Variants in SIRPG observed in about 807,000 individuals in gnomAD.
SIRPG encodes the protein signal regulatory protein gamma.
Under a neutral mutation model 35.7 loss-of-function variants are expected in SIRPG, and 38 were observed. The observed-to-expected ratio is 1.06, with a 90% CI of 0.82 to 1.40. The LOEUF (loss-of-function observed/expected upper bound fraction) is 1.40, where lower values mean the gene tolerates loss of function less well. SIRPG is among the 40% of genes most tolerant of loss of function. The pLI is 0.00. For missense variants in SIRPG, 519 were observed against 483.0 expected (o/e 1.07, Z -0.70); for synonymous variants, 215 against 190.4 (o/e 1.13, Z -1.06).
At chr20:1,668,158 TTC>T in the SIRPG span, among the ~76,000 whole-genome samples, 214 of 100,370 alleles carry the variant, frequency 2.1e-3, no homozygotes, top group African/African-American at 6.8e-3. Flanking sequence ...TTTTTTTCTT[TTC>T]TTTTCTTTTC....
chr20:1,662,492 G>A (rs1396268855), upstream of SIRPG, among the ~76,000 whole-genome samples: 3 of 152,168 alleles, frequency 2.0e-5, no homozygotes, highest in Non-Finnish European at 4.4e-5. Context: ...TAGTAAATAT[G>A]CAAGACAAAG....
At chr20:1,683,475 C>G in the SIRPG span, among the ~76,000 whole-genome samples, 1 of 152,148 alleles carries the variant, frequency 6.6e-6, no homozygotes, top group South Asian at 2.1e-4. Flanking sequence ...TTTACAGTAG[C>G]AAAAATGGAA....
the SIRPG span, among the ~76,000 whole-genome samples, chr20:1,679,072 T>C: frequency 6.6e-6 from 1 of 152,172 alleles, no homozygotes; most frequent in East Asian, 1.9e-4. Context: ...GCACGATGTC[T>C]CCAGGCCCAA....
At chr20:1,685,575 T>C in the SIRPG span, among the ~76,000 whole-genome samples, 2 of 152,120 alleles carry the variant, frequency 1.3e-5, no homozygotes, top group Non-Finnish European at 2.9e-5. Context: ...AGGAAGTAAA[T>C]GTCTGTAATT....
intron 4 of SIRPG, chr20:1,633,721 G>C (rs921743144): frequency 6.6e-6 from 1 of 152,160 alleles, no homozygotes; most frequent in Admixed American, 6.5e-5. Context: ...CCACCATAAG[G>C]TATGTGGGAG....
chr20:1,634,846 A>G (rs2091780648), intron 4 of SIRPG, among the ~76,000 whole-genome samples: 1 of 151,760 alleles, frequency 6.6e-6, no homozygotes, highest in African/African-American at 2.4e-5. Flanking sequence ...GATCGAGACC[A>G]TCCTGGCTAA....
Position 1,636,519 on chromosome 20 carries a change from A to T in SIRPG, c.431-14T>A. 1 of 1,613,610 alleles carries T rather than the reference A, an allele frequency of 6.2e-7. No individual in the cohort carries two copies. Among genetic ancestry groups the T allele is most frequent in the Non-Finnish European group, 8.5e-7 (1 of 1,179,504 alleles). ...CAGAGGGTTTGGCTACAAAAGGGGC[A>T]TCGATAAACAGGAGACATGACTGAG... On this transcript the variant is annotated splice_polypyrimidine_tract_variant and intron_variant, in intron 2 of 5. Coordinates refer to ENST00000303415, the MANE Select transcript of SIRPG (RefSeq NM_018556.4).
chr20:1,636,137 G>A, intron 3 of SIRPG, 51 bp downstream of exon 3: 1 of 1,611,454 alleles, frequency 6.2e-7, no homozygotes, highest in Non-Finnish European at 8.5e-7. Flanking sequence ...GGAGAGGGGA[G>A]TGGGCTTGAC....
chr20:1,655,951 A>G (rs893092315), intron 1 of SIRPG, among the ~76,000 whole-genome samples: 5 of 152,176 alleles, frequency 3.3e-5, no homozygotes, highest in African/African-American at 1.2e-4. Context: ...ATATATACAC[A>G]TTCACAAATA....
chr20:1,663,237 T>C, the SIRPG span, among the ~76,000 whole-genome samples: 3 of 152,034 alleles, frequency 2.0e-5, no homozygotes, highest in Non-Finnish European at 4.4e-5. Flanking sequence ...GGCGTGAACC[T>C]GGGAGGCAGA....
At chr20:1,666,308 T>C in the SIRPG span, 2 of 152,348 alleles carry the variant, frequency 1.3e-5, no homozygotes, top group Admixed American at 1.3e-4. Flanking sequence ...CTAAGGTTAA[T>C]ATATTATTGA....
chr20:1,676,803 C>T, the SIRPG span: 19 of 216,366 alleles, frequency 8.8e-5, no homozygotes, highest in Admixed American at 8.8e-4. Context: ...ACAGGGAGGT[C>T]GCAGTGCAGT....
At chr20:1,667,818 G>A in the SIRPG span, among the ~76,000 whole-genome samples, 3 of 152,316 alleles carry the variant, frequency 2.0e-5, no homozygotes, top group Non-Finnish European at 4.4e-5. Context: ...GTCAGTTTGA[G>A]GACAGGTAAA....
At chr20:1,658,996 C>T (rs1197101248), upstream of SIRPG, among the ~76,000 whole-genome samples, 1 of 152,184 alleles carries the variant, frequency 6.6e-6, no homozygotes. Flanking sequence ...GACACTACTT[C>T]TCTGAGCCTT....
chr20:1,647,304 G>A (rs2091905003), intron 2 of SIRPG: 3 of 152,422 alleles, frequency 2.0e-5, no homozygotes, highest in Admixed American at 6.5e-5. Context: ...AGAGGGGTGA[G>A]CACCATACTA....
chr20:1,644,146 C>T (rs983702707), intron 2 of SIRPG, among the ~76,000 whole-genome samples: 1 of 152,168 alleles, frequency 6.6e-6, no homozygotes, highest in African/African-American at 2.4e-5. Flanking sequence ...TCTGGGCTGC[C>T]CAGATTTCTC....
chr20:1,654,798 C>T (rs2091964922), intron 1 of SIRPG, among the ~76,000 whole-genome samples: 1 of 152,054 alleles, frequency 6.6e-6, no homozygotes, highest in African/African-American at 2.4e-5. Flanking sequence ...GATAAGGAGT[C>T]AGTATACAAA....
chr20:1,672,020 TC>T, the SIRPG span, among the ~76,000 whole-genome samples: 487 of 152,302 alleles, frequency 3.2e-3, 4 homozygotes, highest in Non-Finnish European at 4.7e-3. Context: ...GGGGGCCTAT[TC>T]CCAACAAGAG....
At chr20:1,639,577 T>C (rs1479822048) in intron 2 of SIRPG, among the ~76,000 whole-genome samples, 1 of 152,244 alleles carries the variant, frequency 6.6e-6, no homozygotes, top group Non-Finnish European at 1.5e-5. Flanking sequence ...AGGTTGCCTG[T>C]TCACTCTCAT....
Sources: gnomAD v4.1 joint callset for allele counts (sites outside exome capture counted in the v4.1 genomes callset) on GRCh38, gnomAD v4.1.1 for gene constraint, MANE v1.5 for transcripts, NCBI Gene and HGNC (gene_info 2026-07-23, HGNC 2026-07-21) for gene names.